The following RALA variants were observed in gnomAD, a reference collection of about 807,000 sequenced individuals.
RALA encodes RAS like proto-oncogene A.
In RALA, 5 loss-of-function variants were observed where a neutral mutation model predicts 24.0. The ratio of observed to expected loss-of-function variants is 0.21; its 90% CI spans 0.11 to 0.44. The LOEUF is 0.44. Among genes scored for constraint, RALA ranks in the 20% least tolerant of loss-of-function variants. The pLI is 0.99. For missense variants in RALA, 95 were observed against 241.2 expected (o/e 0.39, Z 4.01); for synonymous variants, 77 against 83.8 (o/e 0.92, Z 0.44).
chr7:39,688,054 C>T (rs1792739954), intron 2 of RALA, among the ~76,000 whole-genome samples: 1 of 152,162 alleles, frequency 6.6e-6, no homozygotes, highest in Non-Finnish European at 1.5e-5. Flanking sequence ...CCCAACCCCC[C>T]ATGTCTTTTT....
At chr7:39,625,672 T>C (rs1232070254) in intron 1 of RALA, among the ~76,000 whole-genome samples, 1 of 152,246 alleles carries the variant, frequency 6.6e-6, no homozygotes, top group African/African-American at 2.4e-5. Context: ...TTTGAAGCAG[T>C]ACTTCATTAC....
At chr7:39,704,159 CAAAAAAA>C (rs796540060) in intron 4 of RALA, among the ~76,000 whole-genome samples, 2 of 116,994 alleles carry the variant, frequency 1.7e-5, no homozygotes, top group Non-Finnish European at 1.7e-5. Context: ...GAGACTCTCT[CAAAAAAA>C]AAAAAAAAAA....
intron 1 of RALA, among the ~76,000 whole-genome samples, chr7:39,658,899 A>G (rs1792138264): frequency 2.6e-5 from 4 of 151,834 alleles, no homozygotes; most frequent in Admixed American, 2.6e-4. Flanking sequence ...GACTGCATAC[A>G]GATGCATATG....
intron 1 of RALA, among the ~76,000 whole-genome samples, chr7:39,647,805 A>G (rs537471119): frequency 9.8e-4 from 149 of 152,330 alleles, no homozygotes; most frequent in Middle Eastern, 3.4e-3. Context: ...CAGACACCGA[A>G]TGTGCTGGCA....
At chr7:39,698,109 A>G (rs1296017281) in intron 4 of RALA, among the ~76,000 whole-genome samples, 1 of 152,144 alleles carries the variant, frequency 6.6e-6, no homozygotes, top group Non-Finnish European at 1.5e-5. Flanking sequence ...GGATTTCCTT[A>G]TACCTTCCTG....
intron 1 of RALA, among the ~76,000 whole-genome samples, chr7:39,633,037 C>A (rs967438376): frequency 6.6e-6 from 1 of 152,112 alleles, no homozygotes; most frequent in Non-Finnish European, 1.5e-5. Flanking sequence ...TTATAGATGC[C>A]ACAGGGTGAC....
intron 2 of RALA, among the ~76,000 whole-genome samples, chr7:39,687,011 GC>G (rs1307126076): frequency 3.3e-5 from 5 of 151,944 alleles, no homozygotes; most frequent in Non-Finnish European, 7.4e-5. Context: ...AAAACAGTAC[GC>G]CTTTTTTTAG....
At chr7:39,686,591 A>G in intron 1 of RALA, 40 bp from the exon 2 acceptor site, 1 of 1,140,540 alleles carries the variant, frequency 8.8e-7, no homozygotes, top group South Asian at 1.3e-5. Flanking sequence ...ATTCTAAAGA[A>G]GAATGTACTG....
chr7:39,647,926 A>G (rs1791955613), intron 1 of RALA, among the ~76,000 whole-genome samples: 1 of 152,236 alleles, frequency 6.6e-6, no homozygotes, highest in Admixed American at 6.5e-5. Flanking sequence ...GAAAACAGAG[A>G]TAACTTTTCA....
chr7:39,667,569 G>C (rs1488939762), intron 1 of RALA, among the ~76,000 whole-genome samples: 5 of 152,226 alleles, frequency 3.3e-5, no homozygotes, highest in African/African-American at 1.2e-4. Flanking sequence ...GAGTCCTGAA[G>C]AGACTTTAAG....
intron 1 of RALA, among the ~76,000 whole-genome samples, chr7:39,624,764 G>C (rs115977335): frequency 1.3e-5 from 2 of 151,652 alleles, no homozygotes; most frequent in Non-Finnish European, 2.9e-5. Flanking sequence ...TGTGTGGTGT[G>C]GGGGGGGAAC....
At chr7:39,657,174 C>G (rs972586034) in intron 1 of RALA, among the ~76,000 whole-genome samples, 8 of 152,064 alleles carry the variant, frequency 5.3e-5, no homozygotes, top group Non-Finnish European at 1.2e-4. Flanking sequence ...CCACGTTGGC[C>G]AGGCTGGTCT....
chr7:39,629,892 A>G (rs6942681), intron 1 of RALA, among the ~76,000 whole-genome samples: 105,906 of 151,686 alleles, frequency 0.7, 37,592 homozygotes, highest in African/African-American at 0.83. Context: ...ACCGTGCCTG[A>G]CCCTAATTTT....
chr7:39,695,846 G>A (rs1262892578), intron 3 of RALA, among the ~76,000 whole-genome samples: 2 of 152,090 alleles, frequency 1.3e-5, no homozygotes, highest in Non-Finnish European at 2.9e-5. Context: ...GCAAATTATT[G>A]AACCTAAGTC....
At chr7:39,687,488 A>C (rs1026599528) in intron 2 of RALA, among the ~76,000 whole-genome samples, 1 of 152,132 alleles carries the variant, frequency 6.6e-6, no homozygotes, top group Non-Finnish European at 1.5e-5. Context: ...TGTGTTTGGC[A>C]TGGCACTACA....
At chr7:39,674,933 C>T (rs1370156468) in intron 1 of RALA, among the ~76,000 whole-genome samples, 2 of 148,784 alleles carry the variant, frequency 1.3e-5, no homozygotes, top group Non-Finnish European at 3.0e-5. Context: ...AAGCAATTCT[C>T]CTGCTTCAGC....
intron 1 of RALA, among the ~76,000 whole-genome samples, chr7:39,626,977 G>A (rs897746240): frequency 6.3e-5 from 7 of 111,232 alleles, no homozygotes; most frequent in African/African-American, 2.4e-4. Context: ...CTGCTATTCA[G>A]TGCTGGTAGA....
chr7:39,624,575 G>A (rs540399873), intron 1 of RALA: 1 of 152,374 alleles, frequency 6.6e-6, no homozygotes, highest in African/African-American at 2.4e-5. Context: ...CGGGGGTGAC[G>A]GCACACAGGG....
chr7:39,668,532 C>T lies in RALA; in HGVS notation c.-37-18099C>T, dbSNP rs10229579. ...AACAACATAAGGCTGGGCGCAGTGA[C>T]TCATGCCTGTAATCCCAGCACTTTG... On this transcript the variant is annotated intron_variant, in intron 1 of 4. Transcript: ENST00000005257. Among the ~76,000 whole-genome samples the T allele has an allele frequency of 3.2e-3, 491 of 152,272 alleles. 3 individuals carry two copies. The highest frequency in any genetic ancestry group is 0.011 in the African/African-American group (469 of 41,554).
Sources: gnomAD v4.1 joint callset for allele counts (sites outside exome capture counted in the v4.1 genomes callset) on GRCh38, gnomAD v4.1.1 for gene constraint, MANE v1.5 for transcripts, NCBI Gene and HGNC (gene_info 2026-07-23, HGNC 2026-07-21) for gene names.